The following SEMA5A variants were observed in gnomAD, a reference collection of about 807,000 sequenced individuals.
The protein encoded by SEMA5A is semaphorin-5A.
SEMA5A carries 55 observed loss-of-function variants against 135.5 expected under a neutral mutation model. That is an observed-to-expected ratio of 0.41 (90% confidence interval 0.33 to 0.51). The LOEUF (loss-of-function observed/expected upper bound fraction) is 0.51. Among genes scored for constraint, SEMA5A ranks in the 20% least tolerant of loss-of-function variants. The pLI, the probability that SEMA5A is intolerant of heterozygous loss-of-function variation, is 0.37. For missense variants in SEMA5A, 1,290 were observed against 1,419.9 expected (o/e 0.91, Z 1.47); for synonymous variants, 580 against 546.5 (o/e 1.06, Z -0.85).
At chr5:9,370,641 A>C (rs1755098635) in intron 3 of SEMA5A, among the ~76,000 whole-genome samples, 1 of 152,232 alleles carries the variant, frequency 6.6e-6, no homozygotes, top group African/African-American at 2.4e-5. Flanking sequence ...GTGTTGATTA[A>C]ATTAAAAACC....
chr5:9,383,144 TGAG>T (rs1431315786), intron 2 of SEMA5A, among the ~76,000 whole-genome samples: 1 of 152,230 alleles, frequency 6.6e-6, no homozygotes, highest in Non-Finnish European at 1.5e-5. Context: ...ATTAAAACTA[TGAG>T]TTTCACTTTT....
intron 3 of SEMA5A, among the ~76,000 whole-genome samples, chr5:9,375,324 C>A (rs1755320768): frequency 6.6e-6 from 1 of 152,026 alleles, no homozygotes; most frequent in Non-Finnish European, 1.5e-5. Context: ...TTAAGGTTAG[C>A]CCTAAGTTCA....
chr5:9,463,947 C>T (rs192963748), intron 1 of SEMA5A, among the ~76,000 whole-genome samples: 55 of 152,242 alleles, frequency 3.6e-4, no homozygotes, highest in East Asian at 1.2e-3. Context: ...ACTCTAAAGG[C>T]GAAATCCAAA....
chr5:9,131,625 A>ACC (rs1560946167), intron 13 of SEMA5A, among the ~76,000 whole-genome samples: 1 of 22,314 alleles, frequency 4.5e-5, no homozygotes, highest in African/African-American at 8.6e-5. Flanking sequence ...AAAAAAAAAA[A>ACC]AAAAAAAAAA....
intron 13 of SEMA5A, among the ~76,000 whole-genome samples, chr5:9,133,320 C>T (rs1241529432): frequency 6.6e-6 from 1 of 152,178 alleles, no homozygotes; most frequent in Non-Finnish European, 1.5e-5. Context: ...ATATGAATTT[C>T]TCATTTTCAA....
At chr5:9,133,780 CTTTCT>C (rs1741570475) in intron 13 of SEMA5A, among the ~76,000 whole-genome samples, 1 of 83,536 alleles carries the variant, frequency 1.2e-5, no homozygotes, top group Admixed American at 1.2e-4. Flanking sequence ...CCTTTTCTTT[CTTTCT>C]TTTTTTTTTT....
At chr5:9,108,117 G>T in intron 16 of SEMA5A, 23 bp downstream of exon 16, 3 of 1,609,794 alleles carry the variant, frequency 1.9e-6, no homozygotes, top group Non-Finnish European at 2.5e-6. Flanking sequence ...TTGTGGGCTG[G>T]GTGTGAGAAG....
At chr5:9,342,954 A>T (rs535927186) in intron 3 of SEMA5A, among the ~76,000 whole-genome samples, 1 of 152,030 alleles carries the variant, frequency 6.6e-6, no homozygotes, top group Non-Finnish European at 1.5e-5. Context: ...TATACAGCAC[A>T]TTTGGAAAAT....
intron 12 of SEMA5A, among the ~76,000 whole-genome samples, chr5:9,144,168 T>G (rs1742207285): frequency 6.6e-6 from 1 of 152,172 alleles, no homozygotes; most frequent in Non-Finnish European, 1.5e-5. Context: ...TATAGGTACC[T>G]CCAAAGTTCA....
intron 12 of SEMA5A, among the ~76,000 whole-genome samples, chr5:9,149,866 A>C (rs1377964167): frequency 6.6e-6 from 1 of 152,160 alleles, no homozygotes; most frequent in Non-Finnish European, 1.5e-5. Flanking sequence ...CAGAGGTGGG[A>C]AGCCTATGAG....
At chr5:9,356,500 G>A (rs1484867904) in intron 3 of SEMA5A, among the ~76,000 whole-genome samples, 1 of 152,076 alleles carries the variant, frequency 6.6e-6, no homozygotes, top group African/African-American at 2.4e-5. Context: ...AAAAAGAAAA[G>A]GCTGCACACA....
intron 6 of SEMA5A, among the ~76,000 whole-genome samples, chr5:9,229,532 C>T (rs1747502202): frequency 6.6e-6 from 1 of 152,090 alleles, no homozygotes; most frequent in Non-Finnish European, 1.5e-5. Flanking sequence ...AGGAGACCCA[C>T]AAAGACATCT....
At chr5:9,156,348 A>G (rs1468096985) in intron 11 of SEMA5A, among the ~76,000 whole-genome samples, 1 of 152,188 alleles carries the variant, frequency 6.6e-6, no homozygotes, top group East Asian at 1.9e-4. Context: ...GCACCAAGGA[A>G]CTAACAGGGA....
At chr5:9,481,533 C>G (rs758358560) in intron 1 of SEMA5A, among the ~76,000 whole-genome samples, 6 of 152,146 alleles carry the variant, frequency 3.9e-5, no homozygotes, top group Non-Finnish European at 7.4e-5. Context: ...TTCACTGGGA[C>G]AAACCATTAG....
chr5:9,054,197 C>T lies in SEMA5A; in HGVS notation c.2579G>A (p.Gly860Glu), dbSNP rs762572657. Residue 860 changes from glycine (G) to glutamate (E), a missense_variant, in exon 19 of 23, where the codon GGA becomes GAA. Gly to Glu is a moderately conservative substitution (Grantham distance 98). Around this residue, in one of 3 missense-constraint regions of SEMA5A, gnomAD observed 1,029 missense variants for 1,086.6 expected, o/e 0.95. Coordinates refer to ENST00000382496, the MANE Select transcript of SEMA5A (RefSeq NM_003966.3). ...WTKCSATCGG[G>E]HYMRTRSCSN... is the part of the protein sequence containing the mutation. ...GCAAGAGCGGGTCCTCATATAGTGT[C>T]CACCGCCGCATGTTGCTGAACATTT... The T allele has an allele frequency of 9.3e-6, 15 of 1,613,902 alleles. No individual in the cohort carries two copies. In the Admixed American group the frequency reaches 1.7e-4, roughly 18 times the overall value.
intron 3 of SEMA5A, among the ~76,000 whole-genome samples, chr5:9,354,571 C>A (rs1422295588): frequency 6.6e-6 from 1 of 152,166 alleles, no homozygotes; most frequent in Non-Finnish European, 1.5e-5. Context: ...TTCATTCAAG[C>A]CTTCGGGCAG....
intron 1 of SEMA5A, chr5:9,498,639 G>A (rs1200666872): frequency 6.6e-6 from 1 of 152,040 alleles, no homozygotes; most frequent in Non-Finnish European, 1.5e-5. Context: ...TAAAACAGTG[G>A]GAACAGTAGA....
chr5:9,139,023 A>G (rs1741918106), intron 12 of SEMA5A, among the ~76,000 whole-genome samples: 1 of 152,130 alleles, frequency 6.6e-6, no homozygotes, highest in Non-Finnish European at 1.5e-5. Flanking sequence ...TTGGTCCCAC[A>G]TTTTTGTAAT....
chr5:9,297,385 G>A (rs10071408), intron 5 of SEMA5A, among the ~76,000 whole-genome samples: 134,685 of 152,008 alleles, frequency 0.89, 60,633 homozygotes, highest in East Asian at 0.97. Flanking sequence ...ATTAGGTCAC[G>A]AGGGTGACAC....
Sources: allele counts gnomAD v4.1 joint callset (sites outside exome capture counted in the v4.1 genomes callset), GRCh38; gene constraint gnomAD v4.1.1; regional missense constraint gnomAD v4.1.1; transcripts MANE v1.5; gene names NCBI Gene and HGNC (gene_info 2026-07-23, HGNC 2026-07-21).